Variants in PLD5 observed in about 807,000 individuals in gnomAD.
PLD5 encodes the protein phospholipase D family member 5.
In PLD5, 36 loss-of-function variants were observed where a neutral mutation model predicts 61.1. That is an observed-to-expected ratio of 0.59 (90% CI 0.45 to 0.78). The LOEUF is 0.78. Among genes scored for constraint, PLD5 ranks in the 30% least tolerant of loss-of-function variants. The pLI is 0.00. For missense variants in PLD5, 515 were observed against 644.4 expected, an observed-to-expected ratio of 0.80 and a Z score of 2.17; for synonymous variants, 243 against 242.8, an observed-to-expected ratio of 1.00 and a Z score of -0.01.
In PLD5 at chr1:242,415,800, C is replaced by T. The variant is rs962367970; in HGVS notation, c.190-67558G>A. Among the ~76,000 whole-genome samples, 9 of 152,212 alleles carry T rather than the reference C, an allele frequency of 5.9e-5. No homozygotes were observed. The South Asian group carries it at 6.2e-4, about 11-fold the overall frequency. On this transcript the variant is annotated intron_variant, in intron 1 of 9. Transcript: ENST00000536534. ...CTGGGATTACAGGCATGAGCCACTGCGCTGGGCCAAGATTTTTTTAAGTGG... is the reference window on the plus strand; with the variant it reads ...CTGGGATTACAGGCATGAGCCACTGTGCTGGGCCAAGATTTTTTTAAGTGG...
At chr1:242,396,347 G>A (rs1311503446) in intron 1 of PLD5, among the ~76,000 whole-genome samples, 1 of 152,258 alleles carries the variant, frequency 6.6e-6, no homozygotes, top group East Asian at 1.9e-4. Context: ...ACACTGGATG[G>A]TCAATAATGG....
intron 1 of PLD5, among the ~76,000 whole-genome samples, chr1:242,450,983 C>T (rs894579690): frequency 3.3e-5 from 5 of 152,182 alleles, no homozygotes; most frequent in African/African-American, 1.2e-4. Context: ...CATTGCCTAA[C>T]GTGGATTCTC....
intron 5 of PLD5, among the ~76,000 whole-genome samples, chr1:242,149,155 A>G (rs1664749358): frequency 6.6e-6 from 1 of 151,754 alleles, no homozygotes; most frequent in South Asian, 2.1e-4. Context: ...GACGCTCTTT[A>G]TCAGGTCAAC....
At chr1:242,449,872 G>A (rs1410706877) in intron 1 of PLD5, among the ~76,000 whole-genome samples, 1 of 152,202 alleles carries the variant, frequency 6.6e-6, no homozygotes, top group Non-Finnish European at 1.5e-5. Flanking sequence ...ATGCTGACGA[G>A]CACTCCATGG....
At chr1:242,370,903 A>G (rs150282419) in intron 1 of PLD5, among the ~76,000 whole-genome samples, 2 of 152,320 alleles carry the variant, frequency 1.3e-5, no homozygotes, top group East Asian at 3.9e-4. Flanking sequence ...CTCTTGCAAT[A>G]TATCAAAATA....
chr1:242,447,958 C>T (rs764132795), intron 1 of PLD5, among the ~76,000 whole-genome samples: 4 of 152,240 alleles, frequency 2.6e-5, no homozygotes, highest in Non-Finnish European at 5.9e-5. Flanking sequence ...AGGAATGATT[C>T]TGCCTCAAGC....
chr1:242,359,758 T>A (rs903208508), intron 1 of PLD5, among the ~76,000 whole-genome samples: 9 of 152,166 alleles, frequency 5.9e-5, no homozygotes, highest in Admixed American at 2.0e-4. Flanking sequence ...TTATTATTAA[T>A]AATTAAGTTA....
At chr1:242,422,505 A>G (rs1252214836) in intron 1 of PLD5, among the ~76,000 whole-genome samples, 2 of 152,226 alleles carry the variant, frequency 1.3e-5, no homozygotes, top group African/African-American at 4.8e-5. Context: ...AACTTATGTG[A>G]CCTACATACT....
chr1:242,212,293 A>T (rs1669877271), intron 5 of PLD5, among the ~76,000 whole-genome samples: 1 of 152,268 alleles, frequency 6.6e-6, no homozygotes, highest in Non-Finnish European at 1.5e-5. Flanking sequence ...CAGCATTAAA[A>T]GGGGAGCTCT....
chr1:242,145,951 C>T (rs1664516751), intron 5 of PLD5, among the ~76,000 whole-genome samples: 1 of 152,228 alleles, frequency 6.6e-6, no homozygotes, highest in Non-Finnish European at 1.5e-5. Context: ...GTTGGGATTA[C>T]AGGCGTGAGC....
chr1:242,383,489 C>T (rs1662422475), intron 1 of PLD5, among the ~76,000 whole-genome samples: 1 of 151,492 alleles, frequency 6.6e-6, no homozygotes, highest in East Asian at 1.9e-4. Context: ...TCTGCTTGGA[C>T]CATGCTTTAT....
At chr1:242,390,505 C>T (rs1662866160) in intron 1 of PLD5, among the ~76,000 whole-genome samples, 1 of 152,106 alleles carries the variant, frequency 6.6e-6, no homozygotes, top group South Asian at 2.1e-4. Flanking sequence ...ATTCCATGAG[C>T]AAAACCCCGA....
At chr1:242,400,025 G>A (rs939990850) in intron 1 of PLD5, among the ~76,000 whole-genome samples, 1 of 151,972 alleles carries the variant, frequency 6.6e-6, no homozygotes. Context: ...AAAATCAGCC[G>A]GGCTTGGTGG....
At chr1:242,341,091 C>T (rs1659805267) in intron 2 of PLD5, among the ~76,000 whole-genome samples, 1 of 152,022 alleles carries the variant, frequency 6.6e-6, no homozygotes, top group Non-Finnish European at 1.5e-5. Flanking sequence ...TAAAATAGCA[C>T]TAGAAAAGCT....
At chr1:242,337,033 T>C (rs1033424823) in intron 2 of PLD5, among the ~76,000 whole-genome samples, 3 of 151,992 alleles carry the variant, frequency 2.0e-5, no homozygotes, top group Non-Finnish European at 2.9e-5. Flanking sequence ...GTTTGCACAG[T>C]AGGTAGACGA....
At chr1:242,309,615 C>G (rs1054253743) in intron 2 of PLD5, among the ~76,000 whole-genome samples, 1 of 151,468 alleles carries the variant, frequency 6.6e-6, no homozygotes, top group Non-Finnish European at 1.5e-5. Flanking sequence ...CTCAGGTGAT[C>G]CGCCCACCTC....
At chr1:242,324,972 G>C (rs988015365) in intron 2 of PLD5, among the ~76,000 whole-genome samples, 2 of 152,176 alleles carry the variant, frequency 1.3e-5, no homozygotes, top group South Asian at 4.2e-4. Context: ...CGTAGCCTCT[G>C]AATTTTAGAG....
chr1:242,318,348 A>T (rs1374120328), intron 2 of PLD5, among the ~76,000 whole-genome samples: 2 of 152,044 alleles, frequency 1.3e-5, no homozygotes, highest in African/African-American at 2.4e-5. Flanking sequence ...GGGAGGCCAG[A>T]TTTGCTATTT....
At chr1:242,485,595 C>A (rs1471538514) in intron 1 of PLD5, among the ~76,000 whole-genome samples, 1 of 152,176 alleles carries the variant, frequency 6.6e-6, no homozygotes, top group African/African-American at 2.4e-5. Context: ...ACATTCCATG[C>A]TCATGGGCAA....
Sources: gnomAD v4.1 joint callset for allele counts (sites outside exome capture counted in the v4.1 genomes callset) on GRCh38, gnomAD v4.1.1 for gene constraint, MANE v1.5 for transcripts, NCBI Gene and HGNC (gene_info 2026-07-23, HGNC 2026-07-21) for gene names.